ATP10D: variants seen among roughly 807,000 people sequenced by gnomAD.
ATP10D encodes the protein ATPase phospholipid transporting 10D (putative).
In ATP10D, 89 loss-of-function variants were observed where a neutral mutation model predicts 144.8. The observed-to-expected ratio is 0.61, with a 90% CI of 0.52 to 0.73. The LOEUF is 0.73. ATP10D is among the 30% of genes least tolerant of loss of function. The probability of loss-of-function intolerance (pLI) is 0.00; values close to 1 mark genes in which losing one functional copy is unlikely to be tolerated. For synonymous variants in ATP10D, 571 were observed against 615.1 expected (o/e 0.93, Z 1.06); for missense variants, 1,603 against 1,714.8 (o/e 0.93, Z 1.15).
intron 1 of ATP10D, among the ~76,000 whole-genome samples, chr4:47,487,503 C>G (rs745387714): frequency 2.6e-5 from 4 of 152,098 alleles, no homozygotes; most frequent in Admixed American, 6.5e-5. Context: ...GTAAGATTGT[C>G]TGAGAATTCT....
At chr4:47,579,199 A>G (rs1013360743) in intron 19 of ATP10D, among the ~76,000 whole-genome samples, 3 of 152,134 alleles carry the variant, frequency 2.0e-5, no homozygotes, top group African/African-American at 7.2e-5. Flanking sequence ...TCATTTGACT[A>G]TTGTCTCTTA....
chr4:47,589,893 A>G (rs1230839216), intron 22 of ATP10D, among the ~76,000 whole-genome samples: 1 of 152,144 alleles, frequency 6.6e-6, no homozygotes, highest in African/African-American at 2.4e-5. Flanking sequence ...AATTGCTTTT[A>G]TAATATGAAA....
At chr4:47,531,086 A>AT (rs60353838) in intron 5 of ATP10D, among the ~76,000 whole-genome samples, 57,125 of 150,756 alleles carry the variant, frequency 0.38, 11,282 homozygotes, top group East Asian at 0.81. Flanking sequence ...GGTATCAGCT[A>AT]TTTTTTTTTG....
chr4:47,588,586 G>A (rs1245144615), intron 22 of ATP10D, among the ~76,000 whole-genome samples: 1 of 152,138 alleles, frequency 6.6e-6, no homozygotes, highest in Non-Finnish European at 1.5e-5. Context: ...GAAAAGGTTT[G>A]CCCGCTCTGA....
chr4:47,548,960 A>C (rs1483225407), intron 10 of ATP10D, among the ~76,000 whole-genome samples: 1 of 152,142 alleles, frequency 6.6e-6, no homozygotes, highest in African/African-American at 2.4e-5. Flanking sequence ...GCATTCTGAG[A>C]GTTGTGATGT....
intron 1 of ATP10D, among the ~76,000 whole-genome samples, chr4:47,511,627 T>G (rs1397579127): frequency 1.3e-5 from 2 of 152,198 alleles, no homozygotes; most frequent in Non-Finnish European, 2.9e-5. Context: ...GTTATCAGTT[T>G]GATTTTGTTT....
At chr4:47,583,453 G>C (rs759650134) in intron 21 of ATP10D, 10 of 152,180 alleles carry the variant, frequency 6.6e-5, no homozygotes, top group African/African-American at 9.7e-5. Flanking sequence ...AAGTAGGGCT[G>C]ATTATTTTGG....
chr4:47,550,624 A>T (rs1028335231), intron 10 of ATP10D, among the ~76,000 whole-genome samples: 2 of 152,062 alleles, frequency 1.3e-5, no homozygotes, highest in African/African-American at 4.8e-5. Context: ...ATTCCAAGGA[A>T]TGGAATCTTG....
intron 19 of ATP10D, 131 bp from the exon 20 acceptor site, chr4:47,580,267 C>G: frequency 1.3e-6 from 1 of 753,772 alleles, no homozygotes; most frequent in Admixed American, 2.1e-5. Context: ...ATCTTTACCT[C>G]TGTTGACAAA....
chr4:47,494,574 T>C (rs1715257172), intron 1 of ATP10D, among the ~76,000 whole-genome samples: 2 of 139,122 alleles, frequency 1.4e-5, no homozygotes, highest in South Asian at 4.5e-4. Flanking sequence ...TGGGCCCATA[T>C]GATGTTGAAT....
At chr4:47,574,511 TC>T (rs1720123974) in intron 18 of ATP10D, among the ~76,000 whole-genome samples, 1 of 152,146 alleles carries the variant, frequency 6.6e-6, no homozygotes, top group East Asian at 1.9e-4. Flanking sequence ...ATGGATTCAT[TC>T]CCCCAGAATA....
At chr4:47,570,914 C>A (rs1719915162) in intron 16 of ATP10D, among the ~76,000 whole-genome samples, 1 of 152,084 alleles carries the variant, frequency 6.6e-6, no homozygotes, top group South Asian at 2.1e-4. Context: ...AGATTAAGAT[C>A]TCAGAGACTC....
chr4:47,567,472 G>A (rs1168504200), intron 15 of ATP10D, among the ~76,000 whole-genome samples: 1 of 152,138 alleles, frequency 6.6e-6, no homozygotes, highest in African/African-American at 2.4e-5. Context: ...GCATATTGGT[G>A]CCACAAAGAC....
chr4:47,570,705 G>A (rs778613142), intron 16 of ATP10D, among the ~76,000 whole-genome samples: 2 of 151,920 alleles, frequency 1.3e-5, no homozygotes, highest in Non-Finnish European at 2.9e-5. Context: ...TAGGGAAGCT[G>A]AGGCAAATAG....
intron 22 of ATP10D, among the ~76,000 whole-genome samples, chr4:47,589,205 A>G (rs1720921839): frequency 1.3e-5 from 2 of 152,198 alleles, no homozygotes; most frequent in African/African-American, 4.8e-5. Context: ...CAGAGGGAGC[A>G]TGCCCTTTCC....
intron 15 of ATP10D, 31 bp from the exon 16 acceptor site, chr4:47,568,806 G>A: frequency 2.5e-6 from 4 of 1,585,604 alleles, no homozygotes; most frequent in Non-Finnish European, 3.4e-6. Context: ...AGGGCGCCTG[G>A]AGGCTAACCA....
At position 47,546,794 on chromosome 4, in the gene ATP10D, A is replaced by G; in HGVS notation, c.1567A>G (p.Thr523Ala). Reference sequence around the variant, plus strand: ...AAATCATCTTGCTGGGAGCTCTTTTACTCTAGGAAGTGGAGAAGGAGCCAG... The same window carrying G: ...AAATCATCTTGCTGGGAGCTCTTTTGCTCTAGGAAGTGGAGAAGGAGCCAG... ...PSNHLAGSSF[T>A]LGSGEGASEV... is the part of the protein sequence containing the mutation. Residue 523 changes from threonine (T) to alanine (A), a missense_variant, in exon 10 of 23, where the codon ACT becomes GCT. Coordinates refer to ENST00000273859, the MANE Select transcript of ATP10D (RefSeq NM_020453.4). 3 of 1,613,676 alleles carry G rather than the reference A, an allele frequency of 1.9e-6. No homozygotes were observed. Among genetic ancestry groups the G allele is most frequent in the Non-Finnish European group, 2.5e-6 (3 of 1,179,952 alleles).
At chr4:47,530,048 A>G (rs1161950469) in intron 5 of ATP10D, among the ~76,000 whole-genome samples, 1 of 151,928 alleles carries the variant, frequency 6.6e-6, no homozygotes, top group East Asian at 1.9e-4. Flanking sequence ...CTTTTGGAGG[A>G]CTCTTTAGGG....
At chr4:47,543,834 TGTAC>T (rs68079692) in intron 9 of ATP10D, among the ~76,000 whole-genome samples, 35,544 of 144,728 alleles carry the variant, frequency 0.25, 4,146 homozygotes, top group Admixed American at 0.32. Context: ...ATATATATTA[TGTAC>T]ACACACACAC....
Sources: gnomAD v4.1 joint callset for allele counts (sites outside exome capture counted in the v4.1 genomes callset) on GRCh38, gnomAD v4.1.1 for gene constraint, MANE v1.5 for transcripts, NCBI Gene and HGNC (gene_info 2026-07-23, HGNC 2026-07-21) for gene names.